The following TJP2 variants were observed in gnomAD, a reference collection of about 807,000 sequenced individuals.
TJP2 encodes Friedreich ataxia region gene X104 (tight junction protein ZO-2).
Under a neutral mutation model 133.1 loss-of-function variants are expected in TJP2, and 91 were observed. The observed-to-expected ratio is 0.68, with a 90% confidence interval of 0.58 to 0.81. The LOEUF (loss-of-function observed/expected upper bound fraction) is 0.81. Ranked by LOEUF, TJP2 falls within the 40% of genes least tolerant of loss-of-function variation. The pLI is 0.00. For missense variants in TJP2, 1,541 were observed against 1,565.6 expected (o/e 0.98, Z 0.26); for synonymous variants, 592 against 583.4 (o/e 1.01, Z -0.21).
chr9:69,230,892 T>C (rs1829723441), intron 11 of TJP2, among the ~76,000 whole-genome samples: 1 of 152,222 alleles, frequency 6.6e-6, no homozygotes, highest in African/African-American at 2.4e-5. Flanking sequence ...TATTTACATC[T>C]AAAATTGTCC....
chr9:69,154,722 C>A (rs1055020821), intron 2 of TJP2, among the ~76,000 whole-genome samples: 2 of 151,104 alleles, frequency 1.3e-5, no homozygotes, highest in Admixed American at 1.3e-4. Context: ...CCCAGGAGTT[C>A]AAGACCAACC....
At chr9:69,230,689 C>T (rs1467771911) in intron 11 of TJP2, among the ~76,000 whole-genome samples, 2 of 152,134 alleles carry the variant, frequency 1.3e-5, no homozygotes, top group African/African-American at 4.8e-5. Flanking sequence ...TTCTGTGACC[C>T]TGGTTCACCC....
chr9:69,201,323 T>A (rs1283344540), intron 1 of TJP2, among the ~76,000 whole-genome samples: 7 of 152,216 alleles, frequency 4.6e-5, no homozygotes, highest in Admixed American at 4.6e-4. Flanking sequence ...TGGAGCAGGC[T>A]GCAGTTGTTC....
chr9:69,208,616 T>C (rs1827617737), intron 1 of TJP2, among the ~76,000 whole-genome samples: 1 of 152,218 alleles, frequency 6.6e-6, no homozygotes, highest in Non-Finnish European at 1.5e-5. Context: ...TTTGAAGAGT[T>C]TATAGTTTTA....
At chr9:69,214,318 T>C (rs1828179407) in intron 2 of TJP2, among the ~76,000 whole-genome samples, 2 of 152,252 alleles carry the variant, frequency 1.3e-5, no homozygotes, top group South Asian at 4.2e-4. Context: ...ACTCCTGGAC[T>C]CAAGCAATTC....
At position 69,221,109 on chromosome 9, in the gene TJP2, C is replaced by A. The variant is rs752656233; in HGVS notation, c.565C>A (p.Arg189=). The change falls in exon 5 of 23, where the codon CGG becomes AGG. Residue 189 remains arginine, a synonymous_variant. Coordinates refer to ENST00000377245, the MANE Select transcript of TJP2 (RefSeq NM_004817.4). ...CCATGAGCGGGCCCGGAGCCGGGAG[C>A]GGGACCTCAGCCGGGACCGGAGCCG... ...RPHERARSRE[R]DLSRDRSRGR... 4.4e-6 allele frequency: 7 copies of A among 1,584,192 alleles called. No individual in the cohort carries two copies. The African/African-American group carries it at 9.4e-5, about 21-fold the overall frequency.
chr9:69,227,652 C>A, intron 7 of TJP2, 113 bp from the exon 8 acceptor site: 2 of 741,636 alleles, frequency 2.7e-6, no homozygotes, highest in Non-Finnish European at 4.5e-6. Context: ...ACATTTCCTG[C>A]CTACCTCGTT....
chr9:69,194,410 A>G (rs1399454185), intron 1 of TJP2, among the ~76,000 whole-genome samples: 1 of 152,214 alleles, frequency 6.6e-6, no homozygotes, highest in Non-Finnish European at 1.5e-5. Context: ...AGCTATATGC[A>G]CACAGTGTCT....
At chr9:69,121,694 CCGGCCGCGGCGG>C (rs1179270904) in exon 1 of TJP2, 1 of 153,004 alleles carries the variant, frequency 6.5e-6, no homozygotes, top group African/African-American at 2.4e-5. Flanking sequence ...CCCGACACCG[CCGGCCGCGGCGG>C]CGGCCGCCAC....
intron 2 of TJP2, among the ~76,000 whole-genome samples, chr9:69,163,507 A>G (rs1824195277): frequency 6.6e-6 from 1 of 152,034 alleles, no homozygotes; most frequent in Admixed American, 6.6e-5. Flanking sequence ...ATGGTGGTGC[A>G]CGCCTATGTT....
intron 9 of TJP2, among the ~76,000 whole-genome samples, 158 bp from the exon 10 acceptor site, chr9:69,229,026 A>G (rs1351599092): frequency 2.0e-5 from 3 of 152,194 alleles, no homozygotes; most frequent in African/African-American, 7.2e-5. Flanking sequence ...GGCACCTGCT[A>G]ATACTTCAGA....
intron 10 of TJP2, 60 bp from the exon 11 acceptor site, chr9:69,230,019 ATGT>A (rs1423147787): frequency 1.6e-5 from 26 of 1,592,202 alleles, no homozygotes; most frequent in Non-Finnish European, 2.2e-5. Flanking sequence ...TCATTTGCTA[ATGT>A]TGTTCTCCCT....
chr9:69,121,291 A>C, upstream of TJP2: 1 of 984,948 alleles, frequency 1.0e-6, no homozygotes. Context: ...CCGACACCCC[A>C]AAGTAGCGCT....
At chr9:69,175,086 A>G (rs749982353) in intron 1 of TJP2, among the ~76,000 whole-genome samples, 3 of 152,162 alleles carry the variant, frequency 2.0e-5, no homozygotes, top group Non-Finnish European at 4.4e-5. Flanking sequence ...ATAAATAATC[A>G]GGGATTTCTA....
chr9:69,221,104 G>A lies in TJP2; in HGVS notation c.560G>A (p.Arg187Gln), dbSNP rs1828794118. The A allele has an allele frequency of 3.2e-6, 5 of 1,583,906 alleles. No homozygotes were observed. The highest frequency in any genetic ancestry group is 4.3e-6 in the Non-Finnish European group (5 of 1,165,572). Residue 187 changes from arginine (R) to glutamine (Q), a missense_variant, in exon 5 of 23, where the codon CGG (arginine) becomes CAG (glutamine). Arg to Gln is a conservative substitution (Grantham distance 43). Transcript: ENST00000377245. ...CGTCCCCATGAGCGGGCCCGGAGCC[G>A]GGAGCGGGACCTCAGCCGGGACCGG... Reference protein sequence around the residue: ...RGRPHERARSRERDLSRDRSR... With the variant: ...RGRPHERARSQERDLSRDRSR...
intron 3 of TJP2, among the ~76,000 whole-genome samples, chr9:69,217,795 C>T (rs1828502885): frequency 6.6e-6 from 1 of 152,174 alleles, no homozygotes; most frequent in Non-Finnish European, 1.5e-5. Flanking sequence ...TGAACTGGAA[C>T]AATAGGATTC....
intron 13 of TJP2, among the ~76,000 whole-genome samples, chr9:69,236,582 A>G (rs1588132394): frequency 6.6e-6 from 1 of 152,116 alleles, no homozygotes; most frequent in African/African-American, 2.4e-5. Flanking sequence ...CCCAGTCTCC[A>G]TCCTTGGAGA....
intron 4 of TJP2, among the ~76,000 whole-genome samples, chr9:69,219,312 T>C (rs1249248145): frequency 2.0e-5 from 3 of 152,100 alleles, no homozygotes; most frequent in Non-Finnish European, 2.9e-5. Context: ...ATTATGAAGA[T>C]TTTCAAAGAA....
At chr9:69,183,891 C>T (rs1825679868) in intron 1 of TJP2, among the ~76,000 whole-genome samples, 1 of 152,194 alleles carries the variant, frequency 6.6e-6, no homozygotes, top group Admixed American at 6.5e-5. Context: ...TGCGCCACTA[C>T]ACCTAGCTAA....
Sources: allele counts gnomAD v4.1 joint callset (sites outside exome capture counted in the v4.1 genomes callset), GRCh38; gene constraint gnomAD v4.1.1; transcripts MANE v1.5; gene names NCBI Gene and HGNC (gene_info 2026-07-23, HGNC 2026-07-21).